SPSB1: variants seen among roughly 807,000 people sequenced by gnomAD.
The protein encoded by SPSB1 is SPRY domain-containing SOCS box protein 1.
Under a neutral mutation model 21.2 loss-of-function variants are expected in SPSB1, and 8 were observed. The ratio of observed to expected loss-of-function variants is 0.38; its 90% CI spans 0.22 to 0.68. SPSB1 has a LOEUF of 0.68. SPSB1 is among the 30% of genes least tolerant of loss of function. SPSB1 has a pLI of 0.53. For missense variants in SPSB1, 242 were observed against 377.8 expected (o/e 0.64, Z 2.98); for synonymous variants, 169 against 161.7 (o/e 1.05, Z -0.34).
chr1:9,327,036 A>G (rs543094934), intron 1 of SPSB1, among the ~76,000 whole-genome samples: 94 of 152,240 alleles, frequency 6.2e-4, no homozygotes, highest in African/African-American at 2.3e-3. Flanking sequence ...GCTTAGGGGC[A>G]GGTGCTCAGG....
At chr1:9,330,990 TA>T in intron 1 of SPSB1, among the ~76,000 whole-genome samples, 1 of 152,230 alleles carries the variant, frequency 6.6e-6, no homozygotes, top group South Asian at 2.1e-4. Context: ...AAGGATGATA[TA>T]CCCAGAGTAG....
chr1:9,297,646 CAG>C (rs1209965242), intron 1 of SPSB1, among the ~76,000 whole-genome samples: 2 of 152,074 alleles, frequency 1.3e-5, no homozygotes, highest in Non-Finnish European at 2.9e-5. Flanking sequence ...TGTTGTAGCT[CAG>C]GGGGTTAAGA....
rs1383684713 is a variant in SPSB1, at chr1:9,349,290, C to T, written c.-149-6453C>T. ...TCTGCTTCCCCGAGCCCAGCCCTCC[C>T]GTGCATGAGACAGACGCTCCCGCCA... On this transcript the variant is annotated intron_variant, in intron 1 of 2. Coordinates refer to ENST00000328089, the MANE Select transcript of SPSB1 (RefSeq NM_025106.4). 4.6e-5 allele frequency among the ~76,000 whole-genome samples: 7 copies of T among 152,228 alleles called. No individual in the cohort carries two copies. In the East Asian group the frequency reaches 7.7e-4, roughly 17 times the overall value.
In SPSB1 at chr1:9,305,570, T is replaced by C. The variant is rs1045429338; in HGVS notation, c.-150+12499T>C. Among the ~76,000 whole-genome samples the C allele has an allele frequency of 2.0e-5, 3 of 152,118 alleles. No homozygotes were observed. Among genetic ancestry groups the C allele is most frequent in the Non-Finnish European group, 4.4e-5 (3 of 67,994 alleles). The stretch of plus-strand genomic sequence containing the variant: ...TAGCAGGGTCTGGGAGAGCTCGATG[T>C]GGGCCCAGGGTGTGGGTGCTGGGGG... On this transcript the variant is annotated intron_variant, in intron 1 of 2. Transcript: ENST00000328089. This position sits in a 1 kb window ranked among gnomAD's most constrained non-coding sequence, Gnocchi z 4.8.
At chr1:9,366,928 G>A (rs1640582019) in intron 2 of SPSB1, among the ~76,000 whole-genome samples, 1 of 152,210 alleles carries the variant, frequency 6.6e-6, no homozygotes, top group Admixed American at 6.5e-5. Flanking sequence ...GCTGGTAACA[G>A]AAAATGATTC....
At chr1:9,355,533 G>T (rs3765960) in intron 1 of SPSB1, among the ~76,000 whole-genome samples, 2 of 152,118 alleles carry the variant, frequency 1.3e-5, no homozygotes. Context: ...AGTCGGCCGC[G>T]TGGACAGACA....
chr1:9,325,231 C>CAT (rs1402405083), intron 1 of SPSB1, among the ~76,000 whole-genome samples: 1 of 150,158 alleles, frequency 6.7e-6, no homozygotes. Flanking sequence ...CACCACCCCC[C>CAT]CCCCCCGCCC....
intron 1 of SPSB1, among the ~76,000 whole-genome samples, chr1:9,349,919 C>G (rs1009601661): frequency 2.6e-5 from 4 of 152,122 alleles, no homozygotes; most frequent in Non-Finnish European, 5.9e-5. Flanking sequence ...AGTTAGAGCT[C>G]CTGTACATAC....
In SPSB1 at chr1:9,293,271, G is replaced by A. The variant is rs1024195359; in HGVS notation, c.-150+200G>A. ...GGCCCCTCCCGCGGTGGCTCCGGGG[G>A]CGCCTCCCTCGCCGCGGCTCCTGGG... On this transcript the variant is annotated intron_variant, in intron 1 of 2. Transcript: ENST00000328089. The surrounding 1 kb of genome is among the most constrained non-coding windows in gnomAD (Gnocchi z 5.1). Among the ~76,000 whole-genome samples the A allele has an allele frequency of 2.0e-5, 3 of 148,668 alleles. No individual in the cohort carries two copies. Among genetic ancestry groups the A allele is most frequent in the Admixed American group, 6.7e-5 (1 of 15,006 alleles).
chr1:9,302,424 C>T (rs572220371), intron 1 of SPSB1, among the ~76,000 whole-genome samples: 303 of 152,332 alleles, frequency 2.0e-3, no homozygotes, highest in Non-Finnish European at 3.5e-3. Flanking sequence ...TTGGAGGACA[C>T]TGGCAATTGA....
chr1:9,354,304 G>A (rs1029067395), intron 1 of SPSB1, among the ~76,000 whole-genome samples: 7 of 152,172 alleles, frequency 4.6e-5, no homozygotes, highest in South Asian at 2.1e-4. Flanking sequence ...ACTCTCTCCC[G>A]GCAGCCAAGG....
In SPSB1 at chr1:9,293,518, G is replaced by T. The variant is rs1639155544; in HGVS notation, c.-150+447G>T. Among the ~76,000 whole-genome samples, 1 of 151,826 alleles carries T rather than the reference G, an allele frequency of 6.6e-6. No individual in the cohort carries two copies. The highest frequency in any genetic ancestry group is 2.4e-5 in the African/African-American group (1 of 41,366). ...TCGCTTTTCCCGCCAGTCCGAGTCG[G>T]GATTGGCGGCGCGGCCCGGTCCCCC... On this transcript the variant is annotated intron_variant, in intron 1 of 2. Coordinates refer to ENST00000328089, the MANE Select transcript of SPSB1 (RefSeq NM_025106.4). The surrounding 1 kb of genome is among the most constrained non-coding windows in gnomAD (Gnocchi z 5.1).
At position 9,362,297 on chromosome 1, in the gene SPSB1, G is replaced by T. The variant is rs187072042; in HGVS notation, c.695-5151G>T. Among the ~76,000 whole-genome samples the T allele has an allele frequency of 3.5e-3, 539 of 152,310 alleles. 1 individual carries two copies. The highest frequency in any genetic ancestry group is 8.0e-3 in the African/African-American group (332 of 41,560). ...GAGGACCGCAGGCTCTCAGAGTTTG[G>T]GGGGGATAGGGGACCAAGGGTGTCT... On this transcript the variant is annotated intron_variant, in intron 2 of 2. Coordinates refer to ENST00000328089, the MANE Select transcript of SPSB1 (RefSeq NM_025106.4).
At position 9,305,319 on chromosome 1, in the gene SPSB1, C is replaced by T. The variant is rs1291794629; in HGVS notation, c.-150+12248C>T. 1.3e-5 allele frequency among the ~76,000 whole-genome samples: 2 copies of T among 152,224 alleles called. No individual in the cohort carries two copies. Among genetic ancestry groups the T allele is most frequent in the African/African-American group, 2.4e-5 (1 of 41,470 alleles). On this transcript the variant is annotated intron_variant, in intron 1 of 2. Coordinates refer to ENST00000328089, the MANE Select transcript of SPSB1 (RefSeq NM_025106.4). The surrounding 1 kb of genome is among the most constrained non-coding windows in gnomAD (Gnocchi z 4.8). ...AGGGATGTCCCCTTCAGCAGGTAGCCCTGCCATCCACGGTCCACCCTGTCA... is the reference window on the plus strand; with the variant it reads ...AGGGATGTCCCCTTCAGCAGGTAGCTCTGCCATCCACGGTCCACCCTGTCA...
chr1:9,318,229 A>G (rs1157888930), intron 1 of SPSB1, among the ~76,000 whole-genome samples: 2 of 152,218 alleles, frequency 1.3e-5, no homozygotes, highest in Non-Finnish European at 2.9e-5. Flanking sequence ...ATCCTCCACC[A>G]CGAATGCAGC....
In SPSB1 at chr1:9,293,314, C is replaced by G. The variant is rs1276296554; in HGVS notation, c.-150+243C>G. The stretch of plus-strand genomic sequence containing the variant: ...CTCCTGGGAGAGGGGCCCAGGCCCG[C>G]CCCGCGCTGCCGCCGCTGCAGGGCA... On this transcript the variant is annotated intron_variant, in intron 1 of 2. Coordinates refer to ENST00000328089, the MANE Select transcript of SPSB1 (RefSeq NM_025106.4). The surrounding 1 kb of genome is among the most constrained non-coding windows in gnomAD (Gnocchi z 5.1). 3.3e-5 allele frequency among the ~76,000 whole-genome samples: 5 copies of G among 149,910 alleles called. No individual in the cohort carries two copies. The highest frequency in any genetic ancestry group is 1.3e-4 in the Admixed American group (2 of 15,112).
chr1:9,332,686 G>A (rs1297659), intron 1 of SPSB1, among the ~76,000 whole-genome samples: 1,735 of 152,318 alleles, frequency 0.011, 27 homozygotes, highest in Middle Eastern at 0.054. Context: ...ACCTTAGAGA[G>A]TGAGTCAGAT....
intron 1 of SPSB1, among the ~76,000 whole-genome samples, chr1:9,320,883 G>A (rs1639711478): frequency 1.0e-5 from 1 of 98,096 alleles, no homozygotes; most frequent in South Asian, 3.2e-4. Context: ...GTGAGCTCTG[G>A]CCACGAAAGG....
chr1:9,357,075 G>A (rs183255471), intron 2 of SPSB1, among the ~76,000 whole-genome samples: 122 of 151,530 alleles, frequency 8.1e-4, no homozygotes, highest in South Asian at 6.7e-3. Flanking sequence ...ATAAATGAAC[G>A]GATGGATGGG....
Sources: gnomAD v4.1 joint callset for allele counts (sites outside exome capture counted in the v4.1 genomes callset) on GRCh38, gnomAD v4.1.1 for gene constraint, Gnocchi (gnomAD v3.1) non-coding constraint, MANE v1.5 for transcripts, NCBI Gene and HGNC (gene_info 2026-07-23, HGNC 2026-07-21) for gene names.